Variants in CTNNA3 observed in about 807,000 individuals in gnomAD.
The protein encoded by CTNNA3 is catenin alpha-3.
Under a neutral mutation model 95.7 loss-of-function variants are expected in CTNNA3, and 76 were observed. The ratio of observed to expected loss-of-function variants is 0.79; its 90% CI spans 0.66 to 0.96. CTNNA3 has a LOEUF of 0.96. Among genes scored for constraint, CTNNA3 ranks in the 40% least tolerant of loss-of-function variants. The pLI, the probability that CTNNA3 is intolerant of heterozygous loss-of-function variation, is 0.00. For synonymous variants in CTNNA3, 431 were observed against 374.4 expected (o/e 1.15, Z -1.74); for missense variants, 1,191 against 1,089.8 (o/e 1.09, Z -1.31).
intron 7 of CTNNA3, among the ~76,000 whole-genome samples, chr10:67,001,998 G>C (rs936834598): frequency 3.3e-5 from 5 of 152,170 alleles, no homozygotes; most frequent in African/African-American, 4.8e-5. Context: ...ATGAGTCTTA[G>C]AGTCCGAAGA....
intron 15 of CTNNA3, 127 bp from the exon 16 acceptor site, chr10:65,988,924 C>G (rs1350532259): frequency 1.6e-6 from 1 of 611,102 alleles, no homozygotes; most frequent in Non-Finnish European, 2.8e-6. Context: ...ATTCGCATCC[C>G]AAAGAACGGC....
At chr10:67,081,720 C>T (rs1365932548) in intron 7 of CTNNA3, among the ~76,000 whole-genome samples, 2 of 152,144 alleles carry the variant, frequency 1.3e-5, no homozygotes, top group African/African-American at 4.8e-5. Context: ...CTGTCTCATG[C>T]CTCTGCACTT....
intron 11 of CTNNA3, among the ~76,000 whole-genome samples, chr10:66,520,405 T>C (rs1049082747): frequency 6.0e-5 from 9 of 151,150 alleles, no homozygotes; most frequent in South Asian, 2.1e-4. Flanking sequence ...ACGTGAGCCA[T>C]GACACCCAGC....
intron 3 of CTNNA3, among the ~76,000 whole-genome samples, chr10:67,582,631 G>A (rs943542047): frequency 5.2e-4 from 78 of 150,888 alleles, no homozygotes; most frequent in African/African-American, 1.7e-3. Context: ...TTTCTGTCTC[G>A]TTGATCTGTC....
intron 7 of CTNNA3, among the ~76,000 whole-genome samples, chr10:67,179,722 G>T (rs1468037852): frequency 6.6e-6 from 1 of 152,028 alleles, no homozygotes; most frequent in Non-Finnish European, 1.5e-5. Flanking sequence ...AGCTACTTGG[G>T]AGGCTGAGGT....
At chr10:67,238,289 T>G (rs1172238304) in intron 5 of CTNNA3, among the ~76,000 whole-genome samples, 6 of 152,142 alleles carry the variant, frequency 3.9e-5, no homozygotes, top group Non-Finnish European at 5.9e-5. Context: ...CTACAGGACC[T>G]GCATCCAGGG....
At chr10:67,524,470 C>T (rs1840082934) in intron 4 of CTNNA3, among the ~76,000 whole-genome samples, 1 of 151,120 alleles carries the variant, frequency 6.6e-6, no homozygotes, top group Admixed American at 6.6e-5. Flanking sequence ...GGTAATATGC[C>T]CATGGCCAAA....
intron 7 of CTNNA3, among the ~76,000 whole-genome samples, chr10:66,845,332 G>C (rs1230755915): frequency 6.6e-6 from 1 of 152,196 alleles, no homozygotes. Context: ...ACACCTGTTA[G>C]AATGGCTATT....
chr10:67,268,019 T>A (rs1298328022), intron 5 of CTNNA3, among the ~76,000 whole-genome samples: 1 of 152,052 alleles, frequency 6.6e-6, no homozygotes, highest in African/African-American at 2.4e-5. Flanking sequence ...ATTTAAAAAA[T>A]TAAAATTTTC....
intron 13 of CTNNA3, among the ~76,000 whole-genome samples, chr10:66,139,611 C>G (rs893322971): frequency 1.1e-4 from 17 of 152,096 alleles, no homozygotes; most frequent in African/African-American, 2.9e-4. Context: ...TTGTGTTCCC[C>G]CCTTTTCTCC....
chr10:67,549,383 G>C (rs942867803), intron 3 of CTNNA3, among the ~76,000 whole-genome samples: 5 of 152,178 alleles, frequency 3.3e-5, no homozygotes, highest in African/African-American at 1.2e-4. Flanking sequence ...TGAGCAGAAT[G>C]CATCTCTCTC....
At chr10:67,057,465 C>T (rs1855507771) in intron 7 of CTNNA3, among the ~76,000 whole-genome samples, 2 of 152,146 alleles carry the variant, frequency 1.3e-5, no homozygotes, top group African/African-American at 2.4e-5. Context: ...CTACTCTCTG[C>T]TTCTGTGTAT....
intron 13 of CTNNA3, among the ~76,000 whole-genome samples, chr10:66,207,573 A>G (rs1284438041): frequency 3.3e-5 from 5 of 152,022 alleles, no homozygotes; most frequent in Admixed American, 3.3e-4. Context: ...AAATAAACCC[A>G]TCTTCTAGAC....
At chr10:66,498,207 G>T (rs1413226255) in intron 11 of CTNNA3, among the ~76,000 whole-genome samples, 1 of 151,812 alleles carries the variant, frequency 6.6e-6, no homozygotes, top group Non-Finnish European at 1.5e-5. Context: ...AAAGAGCATA[G>T]GATAATAGTA....
At chr10:67,371,300 T>C (rs927196446) in intron 5 of CTNNA3, among the ~76,000 whole-genome samples, 18 of 152,054 alleles carry the variant, frequency 1.2e-4, no homozygotes, top group Admixed American at 9.2e-4. Context: ...TACATATGTA[T>C]ACATGTGCCA....
At chr10:67,117,871 G>C (rs1859265264) in intron 7 of CTNNA3, among the ~76,000 whole-genome samples, 1 of 151,986 alleles carries the variant, frequency 6.6e-6, no homozygotes, top group East Asian at 1.9e-4. Context: ...TGACTTAGAA[G>C]AGTTCTGAAT....
At chr10:66,836,142 T>G (rs1197851149) in intron 7 of CTNNA3, among the ~76,000 whole-genome samples, 2 of 152,190 alleles carry the variant, frequency 1.3e-5, no homozygotes, top group Non-Finnish European at 2.9e-5. Flanking sequence ...ATGATCTATA[T>G]TAAGCTACAA....
intron 7 of CTNNA3, among the ~76,000 whole-genome samples, chr10:66,880,909 T>C (rs1844825251): frequency 1.3e-5 from 2 of 152,096 alleles, no homozygotes; most frequent in Non-Finnish European, 2.9e-5. Flanking sequence ...TCTAACTATA[T>C]AATAATAGAA....
intron 9 of CTNNA3, among the ~76,000 whole-genome samples, chr10:66,706,772 G>A (rs1266120909): frequency 1.3e-5 from 2 of 151,846 alleles, no homozygotes; most frequent in African/African-American, 4.8e-5. Flanking sequence ...AAGGGGGAGG[G>A]GGTCACAACA....
Sources: allele counts gnomAD v4.1 joint callset (sites outside exome capture counted in the v4.1 genomes callset), GRCh38; gene constraint gnomAD v4.1.1; transcripts MANE v1.5; gene names NCBI Gene and HGNC (gene_info 2026-07-23, HGNC 2026-07-21).